Variants in COMMD1 observed in about 807,000 individuals in gnomAD.
COMMD1 encodes COMM domain-containing protein 1.
A neutral mutation model predicts 17.2 loss-of-function variants in COMMD1; 10 were observed. The observed-to-expected ratio is 0.58, with a 90% confidence interval of 0.36 to 0.99. The LOEUF is 0.99. COMMD1 is among the 50% of genes least tolerant of loss of function. The pLI is 0.01. For missense variants in COMMD1, 270 were observed against 231.8 expected (o/e 1.17, Z -1.07); for synonymous variants, 97 against 91.6 (o/e 1.06, Z -0.34).
At chr2:62,020,018 A>G (rs1398611652) in intron 2 of COMMD1, among the ~76,000 whole-genome samples, 2 of 152,148 alleles carry the variant, frequency 1.3e-5, no homozygotes. Context: ...CAGAATTCTC[A>G]TTTATAGCAT....
At chr2:61,985,252 G>C (rs901544697) in intron 1 of COMMD1, among the ~76,000 whole-genome samples, 1 of 151,918 alleles carries the variant, frequency 6.6e-6, no homozygotes, top group Non-Finnish European at 1.5e-5. Context: ...GGGTTTCACC[G>C]TGTTAGCCAG....
chr2:62,036,985 G>T (rs1327748876), intron 2 of COMMD1, among the ~76,000 whole-genome samples: 1 of 152,138 alleles, frequency 6.6e-6, no homozygotes, highest in Non-Finnish European at 1.5e-5. Context: ...GTTGTACCTT[G>T]CATTCAAGTA....
At chr2:62,061,392 G>T (rs977124375) in intron 2 of COMMD1, among the ~76,000 whole-genome samples, 3 of 152,052 alleles carry the variant, frequency 2.0e-5, no homozygotes, top group Non-Finnish European at 2.9e-5. Flanking sequence ...CCCCTCTCTT[G>T]CCTTCAGTGG....
chr2:61,996,875 A>T (rs1327526171), intron 1 of COMMD1, among the ~76,000 whole-genome samples: 1 of 152,176 alleles, frequency 6.6e-6, no homozygotes, highest in Non-Finnish European at 1.5e-5. Flanking sequence ...TGAGGGATGG[A>T]ATCAACTTCT....
chr2:62,049,225 C>T (rs1052700649), intron 2 of COMMD1, among the ~76,000 whole-genome samples: 2 of 151,118 alleles, frequency 1.3e-5, no homozygotes, highest in Non-Finnish European at 2.9e-5. Context: ...AGACCTAGCC[C>T]TTGCTCTCCT....
chr2:62,049,959 A>G (rs946627321), intron 2 of COMMD1, among the ~76,000 whole-genome samples: 3 of 152,210 alleles, frequency 2.0e-5, no homozygotes, highest in Admixed American at 2.0e-4. Flanking sequence ...AATATATCTG[A>G]CAGATAAATC....
chr2:61,916,161 C>T (rs1385621425), intron 1 of COMMD1, among the ~76,000 whole-genome samples: 3 of 151,854 alleles, frequency 2.0e-5, no homozygotes, highest in African/African-American at 7.3e-5. Flanking sequence ...TGGGTTTCAC[C>T]ATGTTGCCCA....
chr2:62,000,692 T>A lies in COMMD1; in HGVS notation c.181-9T>A. 6.2e-7 allele frequency: 1 copy of A among 1,614,050 alleles called. No homozygotes were observed. The highest frequency in any genetic ancestry group is 8.5e-7 in the Non-Finnish European group (1 of 1,179,988). On this transcript the variant is annotated splice_polypyrimidine_tract_variant and intron_variant, in intron 1 of 2. Coordinates refer to ENST00000311832, the MANE Select transcript of COMMD1 (RefSeq NM_152516.4). ...TTCAAATTTTTTGCTTTTTCTGTCATCTTTATAGTCTATTGCGTCTGCAGA... is the reference window on the plus strand; with the variant it reads ...TTCAAATTTTTTGCTTTTTCTGTCAACTTTATAGTCTATTGCGTCTGCAGA...
intron 1 of COMMD1, among the ~76,000 whole-genome samples, chr2:61,938,490 C>A (rs752926200): frequency 6.6e-6 from 1 of 152,188 alleles, no homozygotes; most frequent in African/African-American, 2.4e-5. Flanking sequence ...CCTAGGATCA[C>A]GGTTAAACAA....
chr2:62,032,984 G>A (rs1016723330), intron 2 of COMMD1, among the ~76,000 whole-genome samples: 3 of 152,158 alleles, frequency 2.0e-5, no homozygotes, highest in Non-Finnish European at 2.9e-5. Context: ...TGGTGAGGCT[G>A]GTCTTGAACT....
intron 1 of COMMD1, among the ~76,000 whole-genome samples, chr2:61,984,452 T>C (rs1434692427): frequency 1.3e-5 from 2 of 152,276 alleles, no homozygotes; most frequent in Non-Finnish European, 1.5e-5. Context: ...AATTTCCATA[T>C]GTTTGCATAG....
upstream of COMMD1, chr2:61,888,651 G>C: frequency 1.0e-6 from 1 of 964,068 alleles, no homozygotes; most frequent in South Asian, 1.7e-5. Context: ...GGCGGAGGCG[G>C]AGAAGGGGGC....
chr2:61,991,347 T>C (rs1401837568), intron 1 of COMMD1, among the ~76,000 whole-genome samples: 1 of 152,196 alleles, frequency 6.6e-6, no homozygotes, highest in Non-Finnish European at 1.5e-5. Context: ...CTGGACTTAA[T>C]GTTGATCTGC....
At chr2:62,033,743 A>G (rs946033125) in intron 2 of COMMD1, among the ~76,000 whole-genome samples, 1 of 152,148 alleles carries the variant, frequency 6.6e-6, no homozygotes, top group Non-Finnish European at 1.5e-5. Context: ...CACATTAGAG[A>G]GGGTGAAACT....
intron 2 of COMMD1, among the ~76,000 whole-genome samples, chr2:62,005,610 C>G (rs1186343668): frequency 6.6e-6 from 1 of 152,178 alleles, no homozygotes; most frequent in African/African-American, 2.4e-5. Context: ...TCATCACTGG[C>G]CATCCAGAGA....
At chr2:61,888,492 C>G (rs780688062), upstream of COMMD1, 7 of 1,611,792 alleles carry the variant, frequency 4.3e-6, no homozygotes, top group South Asian at 6.6e-5. Flanking sequence ...CTCCGGGGTG[C>G]CACATTCTCG....
intron 2 of COMMD1, among the ~76,000 whole-genome samples, chr2:62,036,829 G>A (rs1670053236): frequency 6.6e-6 from 1 of 152,154 alleles, no homozygotes; most frequent in Admixed American, 6.6e-5. Context: ...CCTAGGATTA[G>A]TAAACTTAAC....
At chr2:61,944,866 G>T (rs887548094) in intron 1 of COMMD1, among the ~76,000 whole-genome samples, 7 of 152,166 alleles carry the variant, frequency 4.6e-5, no homozygotes, top group African/African-American at 7.2e-5. Context: ...GATGGGGAAG[G>T]GGAAGGGGAA....
chr2:61,924,939 C>G (rs1294278257), intron 1 of COMMD1, among the ~76,000 whole-genome samples: 2 of 152,146 alleles, frequency 1.3e-5, no homozygotes. Context: ...GTCCCTGAAG[C>G]AGAGGAACCA....
Sources: allele counts gnomAD v4.1 joint callset (sites outside exome capture counted in the v4.1 genomes callset), GRCh38; gene constraint gnomAD v4.1.1; transcripts MANE v1.5; gene names NCBI Gene and HGNC (gene_info 2026-07-23, HGNC 2026-07-21).